The following FAM186A variants were observed in gnomAD, a reference collection of about 807,000 sequenced individuals.
The protein encoded by FAM186A is protein FAM186A.
Under a neutral mutation model 216.8 loss-of-function variants are expected in FAM186A, and 163 were observed. The observed-to-expected ratio is 0.75, with a 90% CI of 0.66 to 0.86. The LOEUF (loss-of-function observed/expected upper bound fraction) is 0.86, where lower values mean the gene tolerates loss of function less well. Ranked by LOEUF, FAM186A falls within the 40% of genes least tolerant of loss-of-function variation. The probability of loss-of-function intolerance (pLI) is 0.00; values close to 1 mark genes in which losing one functional copy is unlikely to be tolerated. For missense variants in FAM186A, 2,184 were observed against 2,746.2 expected (o/e 0.80, Z 4.58); for synonymous variants, 805 against 1,025.3 (o/e 0.79, Z 4.10).
chr12:50,343,609 TTC>T (rs952872415), intron 4 of FAM186A, among the ~76,000 whole-genome samples: 6 of 151,788 alleles, frequency 4.0e-5, no homozygotes, highest in African/African-American at 1.2e-4. Flanking sequence ...GGTTTTTGTT[TTC>T]TCTCTCTTTT....
intron 1 of FAM186A, among the ~76,000 whole-genome samples, chr12:50,385,908 A>T (rs1268980112): frequency 6.6e-6 from 1 of 151,954 alleles, no homozygotes; most frequent in Non-Finnish European, 1.5e-5. Context: ...TCTCAAAAAA[A>T]AAAAAAGAAG....
chr12:50,380,774 C>T lies in FAM186A; in HGVS notation c.192+15519G>A, dbSNP rs563658260. Reference sequence around the variant, plus strand: ...AGAAACCCCTGTGGCCAACTTTTGCCCAAGTTTTGCTCAGGCCCACTGGGC... The same window carrying T: ...AGAAACCCCTGTGGCCAACTTTTGCTCAAGTTTTGCTCAGGCCCACTGGGC... On this transcript the variant is annotated intron_variant, in intron 1 of 7. Coordinates refer to ENST00000327337, the MANE Select transcript of FAM186A (RefSeq NM_001145475.3). Among the ~76,000 whole-genome samples, 7 of 152,200 alleles carry T rather than the reference C, an allele frequency of 4.6e-5. No homozygotes were observed. In the South Asian group the frequency reaches 1.2e-3, roughly 27 times the overall value.
At chr12:50,362,946 C>T (rs1239037521) in intron 2 of FAM186A, among the ~76,000 whole-genome samples, 199 bp downstream of exon 2, 1 of 152,000 alleles carries the variant, frequency 6.6e-6, no homozygotes, top group Non-Finnish European at 1.5e-5. Flanking sequence ...AGCAAGGAGG[C>T]CAGCATAGCT....
Position 50,351,267 on chromosome 12 carries a change from A to G in FAM186A, c.5565T>C (p.Pro1855=). Residue 1855 remains proline, a synonymous_variant, in exon 4 of 8, where the codon CCT becomes CCC. Coordinates refer to ENST00000327337, the MANE Select transcript of FAM186A (RefSeq NM_001145475.3). ...TSGQIPSLWA[P]LSPGQPLVPE... ...GAACTAAGGGCTGCCCAGGAGAAAG[A>G]GGAGCCCAGAGACTTGGAATCTGTC... The G allele has an allele frequency of 6.4e-7, 1 of 1,550,464 alleles. No homozygotes were observed. Among genetic ancestry groups the G allele is most frequent in the South Asian group, 1.2e-5 (1 of 83,966 alleles).
chr12:50,359,957 G>A (rs183620814), intron 3 of FAM186A, among the ~76,000 whole-genome samples: 2 of 151,972 alleles, frequency 1.3e-5, no homozygotes, highest in African/African-American at 4.8e-5. Flanking sequence ...AAATTAGATT[G>A]TTGGCCGGGT....
At chr12:50,392,153 G>C (rs1414245701) in intron 1 of FAM186A, among the ~76,000 whole-genome samples, 3 of 151,766 alleles carry the variant, frequency 2.0e-5, no homozygotes, top group African/African-American at 7.3e-5. Context: ...GGGGGTGGGG[G>C]GCAGGGAACA....
intron 1 of FAM186A, among the ~76,000 whole-genome samples, chr12:50,395,888 A>C (rs890937861): frequency 6.6e-6 from 1 of 152,042 alleles, no homozygotes; most frequent in Non-Finnish European, 1.5e-5. Flanking sequence ...CAGCCTCCTG[A>C]GTAGCTGGGA....
intron 1 of FAM186A, among the ~76,000 whole-genome samples, chr12:50,368,978 AAC>A (rs1555217759): frequency 6.6e-6 from 1 of 151,334 alleles, no homozygotes; most frequent in Non-Finnish European, 1.5e-5. Flanking sequence ...AAAAAAAAAA[AAC>A]ACACACAAAT....
chr12:50,327,804 C>G (rs1942620252), intron 7 of FAM186A, among the ~76,000 whole-genome samples: 1 of 152,052 alleles, frequency 6.6e-6, no homozygotes, highest in Non-Finnish European at 1.5e-5. Flanking sequence ...CTTGGCCTCC[C>G]AAAGTGCTGG....
At chr12:50,333,471 G>A (rs1253622011) in intron 5 of FAM186A, among the ~76,000 whole-genome samples, 4 of 152,090 alleles carry the variant, frequency 2.6e-5, no homozygotes, top group Non-Finnish European at 5.9e-5. Flanking sequence ...GGTGGAGTTT[G>A]CACCGAGTCG....
intron 4 of FAM186A, among the ~76,000 whole-genome samples, chr12:50,337,548 C>G (rs1026523238): frequency 6.6e-5 from 10 of 150,896 alleles, no homozygotes; most frequent in African/African-American, 2.4e-4. Flanking sequence ...ATCCGCCCAC[C>G]TCGGTTCCCA....
intron 4 of FAM186A, among the ~76,000 whole-genome samples, chr12:50,335,183 G>C (rs1942695440): frequency 6.6e-6 from 1 of 152,082 alleles, no homozygotes; most frequent in Admixed American, 6.6e-5. Flanking sequence ...CTTGAGCCTA[G>C]GGAGTTCGAG....
At position 50,395,992 on chromosome 12, in the gene FAM186A, G is replaced by A. The variant is rs983698450; in HGVS notation, c.192+301C>T. Among the ~76,000 whole-genome samples the A allele has an allele frequency of 2.6e-5, 4 of 152,104 alleles. No individual in the cohort carries two copies. The East Asian group carries it at 5.8e-4, about 22-fold the overall frequency. ...TTGGTCAGGCTGGTCTTGAACTCCC[G>A]ACCTCAGTGATCCGCCCGCCTCGGC... On this transcript the variant is annotated intron_variant, in intron 1 of 7. Coordinates refer to ENST00000327337, the MANE Select transcript of FAM186A (RefSeq NM_001145475.3).
At chr12:50,362,743 CAAAAA>C (rs10654604) in intron 2 of FAM186A, among the ~76,000 whole-genome samples, 23 of 85,906 alleles carry the variant, frequency 2.7e-4, no homozygotes, top group East Asian at 7.3e-4. Context: ...GAACCTGTCT[CAAAAA>C]AAAAAAAAAA....
chr12:50,335,992 G>A (rs1254937907), intron 4 of FAM186A, among the ~76,000 whole-genome samples: 2 of 151,878 alleles, frequency 1.3e-5, no homozygotes, highest in African/African-American at 2.4e-5. Flanking sequence ...CGGTGTGATG[G>A]CGGGCGCCTA....
chr12:50,352,527 G>C lies in FAM186A; in HGVS notation c.4305C>G (p.Leu1435=), dbSNP rs777940132. The change falls in exon 4 of 8, where the codon CTC becomes CTG. Residue 1435 remains leucine, a synonymous_variant. Coordinates refer to ENST00000327337, the MANE Select transcript of FAM186A (RefSeq NM_001145475.3). ...PQQAQAQEIT[L]TPQQAQALGM... ...CCAGGGCCTGGGCCTGCTGAGGGGT[G>C]AGAGTGATCTCCTGAGCCTGTGCCT... The C allele has an allele frequency of 6.0e-6, 9 of 1,496,930 alleles. No homozygotes were observed. The South Asian group carries it at 7.4e-5, about 12-fold the overall frequency. 92.7% of individuals were successfully genotyped at this position (1,496,930 alleles called of 1,614,324 possible). A position where few individuals can be genotyped will look rare whatever the true frequency, so the allele number is the denominator to read the frequency against.
At chr12:50,360,317 A>G (rs1943020668) in intron 3 of FAM186A, among the ~76,000 whole-genome samples, 1 of 151,952 alleles carries the variant, frequency 6.6e-6, no homozygotes, top group African/African-American at 2.4e-5. Context: ...TGATAAATGC[A>G]CAACTCTGTA....
At chr12:50,359,296 G>A (rs10467106) in intron 3 of FAM186A, among the ~76,000 whole-genome samples, 96,555 of 151,548 alleles carry the variant, frequency 0.64, 31,336 homozygotes, top group East Asian at 0.74. Context: ...TGCTAGGGAG[G>A]CTGAGGCAGG....
chr12:50,389,012 GC>G (rs1943332227), intron 1 of FAM186A, among the ~76,000 whole-genome samples: 1 of 151,582 alleles, frequency 6.6e-6, no homozygotes, highest in Non-Finnish European at 1.5e-5. Flanking sequence ...ACGAGATCGT[GC>G]CACTACACTC....
Sources: gnomAD v4.1 joint callset for allele counts (sites outside exome capture counted in the v4.1 genomes callset) on GRCh38, gnomAD v4.1.1 for gene constraint, MANE v1.5 for transcripts, NCBI Gene and HGNC (gene_info 2026-07-23, HGNC 2026-07-21) for gene names.